Variants in SCHIP1 observed in about 807,000 individuals in gnomAD.
SCHIP1 encodes the protein schwannomin-interacting protein 1.
SCHIP1 carries 8 observed loss-of-function variants against 29.7 expected under a neutral mutation model. That is an observed-to-expected ratio of 0.27 (90% CI 0.16 to 0.49). The LOEUF is 0.49. Among genes scored for constraint, SCHIP1 ranks in the 20% least tolerant of loss-of-function variants. The probability of loss-of-function intolerance (pLI) is 0.99; values close to 1 mark genes in which losing one functional copy is unlikely to be tolerated. For synonymous variants in SCHIP1, 76 were observed against 94.9 expected, an observed-to-expected ratio of 0.80 and a Z score of 1.16; for missense variants, 193 against 294.6, an observed-to-expected ratio of 0.66 and a Z score of 2.52.
At chr3:159,784,227 A>C in the SCHIP1 span, among the ~76,000 whole-genome samples, 1 of 152,356 alleles carries the variant, frequency 6.6e-6, no homozygotes, top group East Asian at 1.9e-4. Flanking sequence ...TTGAAGTGAA[A>C]ATGTTTTCTG....
At chr3:159,325,213 TA>T in the SCHIP1 span, among the ~76,000 whole-genome samples, 1 of 152,122 alleles carries the variant, frequency 6.6e-6, no homozygotes, top group Non-Finnish European at 1.5e-5. Flanking sequence ...AGATAAGAAT[TA>T]GCAGTATTTT....
the SCHIP1 span, among the ~76,000 whole-genome samples, chr3:159,275,521 G>T: frequency 1.2e-4 from 19 of 152,224 alleles, no homozygotes; most frequent in Admixed American, 3.3e-4. Flanking sequence ...TTTGATCTTT[G>T]TCTCTGTCTC....
At chr3:159,851,985 G>T (rs1052582751) in intron 1 of SCHIP1, among the ~76,000 whole-genome samples, 3 of 152,222 alleles carry the variant, frequency 2.0e-5, no homozygotes, top group African/African-American at 7.2e-5. Context: ...GTAAAGGGAA[G>T]ATTTCACTTT....
chr3:159,866,319 C>T (rs1187140752), intron 2 of SCHIP1, 38 bp downstream of exon 3: 3 of 1,552,940 alleles, frequency 1.9e-6, no homozygotes, highest in Admixed American at 3.8e-5. Flanking sequence ...GATATGTACA[C>T]AGTGGATTCT....
chr3:159,322,863 T>C, the SCHIP1 span, among the ~76,000 whole-genome samples: 1 of 152,210 alleles, frequency 6.6e-6, no homozygotes, highest in African/African-American at 2.4e-5. Flanking sequence ...TGGTTGTTAT[T>C]GAACAGATAT....
chr3:159,426,674 A>C, the SCHIP1 span, among the ~76,000 whole-genome samples: 12 of 152,190 alleles, frequency 7.9e-5, no homozygotes, highest in African/African-American at 2.9e-4. Flanking sequence ...ATCCTCCCTA[A>C]CTCATTTTAT....
the SCHIP1 span, among the ~76,000 whole-genome samples, chr3:159,518,031 A>C: frequency 4.8e-4 from 73 of 152,316 alleles, no homozygotes; most frequent in African/African-American, 1.7e-3. Flanking sequence ...TGGTCTATTC[A>C]TATAATGTAA....
chr3:159,636,239 G>A, the SCHIP1 span, among the ~76,000 whole-genome samples: 26,583 of 152,014 alleles, frequency 0.17, 5,986 homozygotes, highest in African/African-American at 0.53. Context: ...GTAGAGACGG[G>A]GTTTCACCAT....
At chr3:159,800,418 G>A in the SCHIP1 span, among the ~76,000 whole-genome samples, 2 of 152,156 alleles carry the variant, frequency 1.3e-5, no homozygotes, top group African/African-American at 4.8e-5. Context: ...AGTACTAGAA[G>A]GGAACCAATT....
the SCHIP1 span, among the ~76,000 whole-genome samples, chr3:159,753,919 C>T: frequency 6.6e-6 from 1 of 152,196 alleles, no homozygotes; most frequent in Non-Finnish European, 1.5e-5. Context: ...GCTGCTCAAC[C>T]CATTTCCTGA....
At chr3:159,842,515 C>G (rs185586208) in intron 1 of SCHIP1, among the ~76,000 whole-genome samples, 1 of 152,164 alleles carries the variant, frequency 6.6e-6, no homozygotes, top group Non-Finnish European at 1.5e-5. Context: ...AGATCATGTC[C>G]CATATCTCAA....
At chr3:159,587,278 T>C in the SCHIP1 span, among the ~76,000 whole-genome samples, 3 of 152,220 alleles carry the variant, frequency 2.0e-5, no homozygotes, top group African/African-American at 4.8e-5. Flanking sequence ...AAATACAATT[T>C]TCTTTTAAAC....
intron 5 of SCHIP1, 38 bp downstream of exon 6, chr3:159,888,981 G>T: frequency 6.2e-7 from 1 of 1,606,336 alleles, no homozygotes; most frequent in Non-Finnish European, 8.5e-7. Flanking sequence ...GATATTCAAT[G>T]TAAAACATTA....
the SCHIP1 span, among the ~76,000 whole-genome samples, chr3:159,305,788 G>T: frequency 6.6e-6 from 1 of 152,184 alleles, no homozygotes; most frequent in Non-Finnish European, 1.5e-5. Flanking sequence ...AAGATTCAGG[G>T]AGGTTAAATG....
At chr3:159,626,257 TAGATAGATAG>T in the SCHIP1 span, among the ~76,000 whole-genome samples, 1 of 106,888 alleles carries the variant, frequency 9.4e-6, no homozygotes, top group Non-Finnish European at 2.0e-5. Flanking sequence ...TCTATATAGA[TAGATAGATAG>T]ATAGATAGAT....
chr3:159,512,511 A>G, the SCHIP1 span, among the ~76,000 whole-genome samples: 1 of 152,220 alleles, frequency 6.6e-6, no homozygotes, highest in East Asian at 1.9e-4. Context: ...CATAGAAAGA[A>G]TAGAATATAT....
chr3:159,390,069 A>T, the SCHIP1 span, among the ~76,000 whole-genome samples: 2 of 151,960 alleles, frequency 1.3e-5, no homozygotes, highest in African/African-American at 2.4e-5. Context: ...TATATATATA[A>T]AATGTTTGTT....
chr3:159,490,800 C>T, the SCHIP1 span, among the ~76,000 whole-genome samples: 1 of 152,078 alleles, frequency 6.6e-6, no homozygotes, highest in African/African-American at 2.4e-5. Context: ...TAGATTTTCA[C>T]TTGTAAGATA....
the SCHIP1 span, among the ~76,000 whole-genome samples, chr3:159,294,640 A>G: frequency 9.8e-5 from 15 of 152,354 alleles, no homozygotes; most frequent in Admixed American, 8.5e-4. Context: ...ATTTACAGTT[A>G]CTTTTCTGTG....
Sources: gnomAD v4.1 joint callset for allele counts (sites outside exome capture counted in the v4.1 genomes callset) on GRCh38, gnomAD v4.1.1 for gene constraint, MANE v1.5 for transcripts, NCBI Gene and HGNC (gene_info 2026-07-23, HGNC 2026-07-21) for gene names.